Variants in KIAA1217 observed in about 807,000 individuals in gnomAD.
KIAA1217 encodes the protein sickle tail protein homolog.
A neutral mutation model predicts 163.9 loss-of-function variants in KIAA1217; 88 were observed. The observed-to-expected ratio is 0.54, with a 90% CI of 0.45 to 0.64. The LOEUF (loss-of-function observed/expected upper bound fraction) is 0.64, where lower values mean the gene tolerates loss of function less well. Ranked by LOEUF, KIAA1217 falls within the 30% of genes least tolerant of loss-of-function variation. KIAA1217 has a pLI of 0.00. For synonymous variants in KIAA1217, 903 were observed against 923.1 expected, an observed-to-expected ratio of 0.98 and a Z score of 0.39; for missense variants, 2,372 against 2,475.0, an observed-to-expected ratio of 0.96 and a Z score of 0.88.
chr10:24,183,691 G>C (rs976937869), intron 2 of KIAA1217, among the ~76,000 whole-genome samples: 1 of 152,132 alleles, frequency 6.6e-6, no homozygotes, highest in African/African-American at 2.4e-5. Flanking sequence ...TAGCAGCGGG[G>C]AACTCCCTCT....
At chr10:24,130,894 C>T (rs139007162) in intron 2 of KIAA1217, among the ~76,000 whole-genome samples, 6 of 152,266 alleles carry the variant, frequency 3.9e-5, no homozygotes, top group South Asian at 2.1e-4. Context: ...TTTAAACTGA[C>T]GCCTTTTAAT....
chr10:24,470,745 T>C (rs2063424307), intron 5 of KIAA1217, among the ~76,000 whole-genome samples: 1 of 152,148 alleles, frequency 6.6e-6, no homozygotes, highest in Admixed American at 6.5e-5. Flanking sequence ...AGGTCATGTA[T>C]TCAAAAAGGG....
At chr10:24,115,278 A>T (rs1341510851) in intron 2 of KIAA1217, among the ~76,000 whole-genome samples, 2 of 152,228 alleles carry the variant, frequency 1.3e-5, no homozygotes, top group Non-Finnish European at 2.9e-5. Flanking sequence ...TACATTTTTT[A>T]AAAATAGCTA....
rs527749692 is a variant in KIAA1217 at position 24,228,907 on chromosome 10, G to A, written c.354+8998G>A. Among the ~76,000 whole-genome samples the A allele has an allele frequency of 2.0e-5, 3 of 152,234 alleles. 1 individual carries two copies. In the South Asian group the frequency reaches 6.2e-4, roughly 32 times the overall value. On this transcript the variant is annotated intron_variant, in intron 2 of 20. Coordinates refer to ENST00000376454, the MANE Select transcript of KIAA1217 (RefSeq NM_019590.5). ...ACAGATATTCCTATCTGTAAGTAAT[G>A]GCATCTATGTCTTTGTGACTTATTT...
chr10:24,491,871 C>G (rs1382038269), intron 6 of KIAA1217, among the ~76,000 whole-genome samples: 1 of 152,080 alleles, frequency 6.6e-6, no homozygotes, highest in East Asian at 1.9e-4. Flanking sequence ...TCCAGCTGTA[C>G]AGAACCCTTT....
chr10:23,924,498 G>A (rs1363666124), intron 1 of KIAA1217, among the ~76,000 whole-genome samples: 2 of 152,194 alleles, frequency 1.3e-5, no homozygotes, highest in African/African-American at 4.8e-5. Context: ...GACAAAATGA[G>A]AGCAGTAGAG....
intron 2 of KIAA1217, among the ~76,000 whole-genome samples, chr10:24,063,439 C>T (rs1256155527): frequency 1.3e-5 from 2 of 152,134 alleles, no homozygotes; most frequent in East Asian, 3.9e-4. Context: ...TGTCAAAGAT[C>T]AGATAGTTGT....
intron 3 of KIAA1217, among the ~76,000 whole-genome samples, chr10:24,386,256 G>C (rs2053992105): frequency 6.6e-6 from 1 of 152,222 alleles, no homozygotes; most frequent in African/African-American, 2.4e-5. Context: ...GAGGATTTTA[G>C]ACTGGTTAGA....
Position 24,021,577 on chromosome 10 carries a change from G to C in KIAA1217, c.-171+14203G>C, listed in dbSNP as rs115394435. Among the ~76,000 whole-genome samples the C allele has an allele frequency of 1.9e-3, 293 of 151,938 alleles. 2 individuals are homozygous for C. Among genetic ancestry groups the C allele is most frequent in the African/African-American group, 7.0e-3 (289 of 41,488 alleles). ...AATGCAAATCCCTGCAAATTATTTT[G>C]TGGATATTGACAAACTGATCTAAAG... is the stretch of plus-strand genomic sequence containing the variant. On this transcript the variant is annotated intron_variant, in intron 2 of 18. Coordinates refer to the KIAA1217 transcript ENST00000376462.
chr10:23,811,451 A>T (rs1227672140), intron 1 of KIAA1217, among the ~76,000 whole-genome samples: 1 of 151,682 alleles, frequency 6.6e-6, no homozygotes, highest in African/African-American at 2.4e-5. Context: ...TTCTAAATAG[A>T]AACTAAAATT....
At chr10:24,434,836 A>G (rs1028023975) in intron 4 of KIAA1217, among the ~76,000 whole-genome samples, 1 of 152,270 alleles carries the variant, frequency 6.6e-6, no homozygotes, top group African/African-American at 2.4e-5. Flanking sequence ...CCAGAAACTC[A>G]GACGCATAAA....
Position 24,258,737 on chromosome 10 carries a change from C to T in KIAA1217, c.354+38828C>T, listed in dbSNP as rs150532259. 5.1e-3 allele frequency among the ~76,000 whole-genome samples: 783 copies of T among 152,192 alleles called. 8 individuals carry two copies. Among genetic ancestry groups the T allele is most frequent in the African/African-American group, 0.018 (739 of 41,542 alleles). On this transcript the variant is annotated intron_variant, in intron 2 of 20. Coordinates refer to ENST00000376454, the MANE Select transcript of KIAA1217 (RefSeq NM_019590.5). The stretch of plus-strand genomic sequence containing the variant: ...CCTCTCAAGTAGCTGGCACTACAGG[C>T]GCCCGCCACCAAGCCCGGCTAATTT...
intron 1 of KIAA1217, among the ~76,000 whole-genome samples, chr10:23,883,716 A>G (rs772091598): frequency 6.6e-6 from 1 of 151,898 alleles, no homozygotes; most frequent in Non-Finnish European, 1.5e-5. Context: ...ACATGTAGCC[A>G]CTATTACAGC....
intron 1 of KIAA1217, among the ~76,000 whole-genome samples, chr10:23,700,029 A>C (rs904310087): frequency 6.6e-6 from 1 of 152,200 alleles, no homozygotes; most frequent in Non-Finnish European, 1.5e-5. Context: ...TAGAACTGGA[A>C]TCTTAATCAT....
chr10:24,368,933 G>A (rs1460589941), intron 2 of KIAA1217: 1 of 817,274 alleles, frequency 1.2e-6, no homozygotes, highest in Non-Finnish European at 1.5e-6. Context: ...ACTTTATCAA[G>A]TAGATATTCT....
chr10:23,712,287 T>G (rs1470243571), intron 1 of KIAA1217, among the ~76,000 whole-genome samples: 4 of 152,014 alleles, frequency 2.6e-5, no homozygotes, highest in African/African-American at 9.7e-5. Context: ...TCCCCTCACC[T>G]GCATTCCCCT....
intron 2 of KIAA1217, among the ~76,000 whole-genome samples, chr10:24,320,257 T>C (rs894365824): frequency 1.8e-4 from 28 of 152,210 alleles, no homozygotes; most frequent in Non-Finnish European, 7.3e-5. Flanking sequence ...CATGGAGATC[T>C]GTAGAGGAAA....
At chr10:24,423,156 A>T (rs1214629767) in intron 3 of KIAA1217, among the ~76,000 whole-genome samples, 1 of 151,996 alleles carries the variant, frequency 6.6e-6, no homozygotes, top group Non-Finnish European at 1.5e-5. Context: ...TGACCTCGTG[A>T]TCCACCTGCC....
At chr10:24,507,769 A>C (rs2068560495) in intron 9 of KIAA1217, among the ~76,000 whole-genome samples, 1 of 152,220 alleles carries the variant, frequency 6.6e-6, no homozygotes, top group Non-Finnish European at 1.5e-5. Context: ...GAACCCCTAG[A>C]ATGGTAAGCA....
Sources: gnomAD v4.1 joint callset for allele counts (sites outside exome capture counted in the v4.1 genomes callset) on GRCh38, gnomAD v4.1.1 for gene constraint, MANE v1.5 for transcripts, NCBI Gene and HGNC (gene_info 2026-07-23, HGNC 2026-07-21) for gene names.